FER: variants seen among roughly 807,000 people sequenced by gnomAD.
FER encodes tyrosine-protein kinase Fer.
Under a neutral mutation model 111.0 loss-of-function variants are expected in FER, and 63 were observed. The ratio of observed to expected loss-of-function variants is 0.57; its 90% confidence interval spans 0.46 to 0.70. FER has a LOEUF of 0.70. FER is among the 30% of genes least tolerant of loss of function. The probability of loss-of-function intolerance (pLI) is 0.00; values close to 1 mark genes in which losing one functional copy is unlikely to be tolerated. For missense variants in FER, 914 were observed against 954.0 expected (o/e 0.96, Z 0.55); for synonymous variants, 327 against 313.9 (o/e 1.04, Z -0.44).
intron 13 of FER, among the ~76,000 whole-genome samples, chr5:108,986,167 T>C (rs559188523): frequency 1.3e-5 from 2 of 152,310 alleles, no homozygotes; most frequent in Admixed American, 6.5e-5. Flanking sequence ...GTGGTTTTGA[T>C]TTGCATTTCC....
intron 17 of FER, among the ~76,000 whole-genome samples, chr5:109,178,342 T>C (rs1757929829): frequency 1.3e-5 from 2 of 152,242 alleles, no homozygotes; most frequent in African/African-American, 2.4e-5. Context: ...TAGTTTTAGA[T>C]TGGCCTCTCA....
intron 10 of FER, among the ~76,000 whole-genome samples, chr5:108,932,426 G>T (rs1170209305): frequency 6.6e-6 from 1 of 152,182 alleles, no homozygotes; most frequent in African/African-American, 2.4e-5. Flanking sequence ...TATCACTGAT[G>T]GACATTTGGG....
At chr5:109,036,865 C>T (rs72790569) in intron 13 of FER, among the ~76,000 whole-genome samples, 6 of 151,630 alleles carry the variant, frequency 4.0e-5, no homozygotes, top group Non-Finnish European at 8.9e-5. Context: ...GCCTTATGCA[C>T]CCTAGTGATA....
intron 5 of FER, among the ~76,000 whole-genome samples, chr5:108,845,613 CT>C (rs1761956136): frequency 6.6e-6 from 1 of 150,828 alleles, no homozygotes; most frequent in Non-Finnish European, 1.5e-5. Flanking sequence ...TTTTCTTTTT[CT>C]TTTTCTTGCC....
Position 109,044,802 on chromosome 5 carries a change from T to A in FER, c.1829+7T>A, listed in dbSNP as rs1365926354. On this transcript the variant is annotated splice_region_variant and intron_variant, in intron 15 of 19. Transcript: ENST00000281092. ...AATTTTTACAAGAAGCCAAGTGAGT[T>A]ATTTAAAGTAATCAAAATATGTATT... The A allele has an allele frequency of 2.3e-6, 3 of 1,289,378 alleles. No homozygotes were observed. In the African/African-American group the frequency reaches 4.5e-5, roughly 19 times the overall value. 79.9% of individuals were successfully genotyped at this position (1,289,378 alleles called of 1,614,324 possible). A position where few individuals can be genotyped will look rare whatever the true frequency, so the allele number is the denominator to read the frequency against.
intron 8 of FER, among the ~76,000 whole-genome samples, chr5:108,875,974 C>T (rs1478110483): frequency 3.9e-5 from 6 of 152,126 alleles, no homozygotes; most frequent in Non-Finnish European, 1.5e-5. Context: ...AATCTAGTCT[C>T]AGGCCTTATG....
At chr5:108,969,616 T>TTTTTTTTTTTTTTTTTTTTGA (rs1561695264) in intron 13 of FER, among the ~76,000 whole-genome samples, 1 of 149,050 alleles carries the variant, frequency 6.7e-6, no homozygotes, top group African/African-American at 2.6e-5. Flanking sequence ...TTAATTTTTT[T>TTTTTTTTTTTTTTTTTTTTGA]GAACACTGTG....
chr5:109,051,939 C>G, intron 16 of FER: 1 of 1,584,776 alleles, frequency 6.3e-7, no homozygotes, highest in East Asian at 2.2e-5. Context: ...CATAGATGTA[C>G]CACTGGATCA....
At position 108,872,220 on chromosome 5, in the gene FER, T is replaced by A; in HGVS notation, c.923+8T>A. On this transcript the variant is annotated splice_region_variant and intron_variant, in intron 8 of 19. Coordinates refer to ENST00000281092, the MANE Select transcript of FER (RefSeq NM_005246.4). Reference sequence around the variant, plus strand: ...AGAAAGTTTGCAAGTAATGTAAGTATTCACAAAATATCAACAGTTTAAATA... The same window carrying A: ...AGAAAGTTTGCAAGTAATGTAAGTAATCACAAAATATCAACAGTTTAAATA... 2 of 1,597,138 alleles carry A rather than the reference T, an allele frequency of 1.3e-6. No homozygotes were observed. Among genetic ancestry groups the A allele is most frequent in the East Asian group, 4.5e-5 (2 of 44,346 alleles).
chr5:109,119,980 C>G (rs1412489018), intron 17 of FER, among the ~76,000 whole-genome samples: 1 of 151,860 alleles, frequency 6.6e-6, no homozygotes, highest in Non-Finnish European at 1.5e-5. Context: ...TTAGATTTTT[C>G]TTTCCTATAG....
intron 13 of FER, among the ~76,000 whole-genome samples, chr5:108,993,019 A>G (rs1763456671): frequency 7.6e-6 from 1 of 132,438 alleles, no homozygotes; most frequent in African/African-American, 2.9e-5. Flanking sequence ...CCTAGATGGG[A>G]TGGCGGCCGG....
At chr5:109,083,040 G>T (rs1260299812) in intron 16 of FER, among the ~76,000 whole-genome samples, 1 of 151,990 alleles carries the variant, frequency 6.6e-6, no homozygotes, top group African/African-American at 2.4e-5. Flanking sequence ...GAAAAGATAG[G>T]TGTTAAATCT....
intron 17 of FER, among the ~76,000 whole-genome samples, chr5:109,153,946 A>G (rs556048538): frequency 2.0e-5 from 3 of 152,050 alleles, no homozygotes; most frequent in South Asian, 4.1e-4. Context: ...AAACACAGAA[A>G]GAATCAAGTG....
At chr5:108,844,155 CA>C (rs755920558) in intron 5 of FER, among the ~76,000 whole-genome samples, 96 of 147,560 alleles carry the variant, frequency 6.5e-4, no homozygotes, top group Non-Finnish European at 8.1e-4. Context: ...TGTGTGTGAA[CA>C]TATATATGTG....
chr5:108,869,429 A>G (rs752138674), intron 6 of FER, among the ~76,000 whole-genome samples: 1 of 152,092 alleles, frequency 6.6e-6, no homozygotes, highest in African/African-American at 2.4e-5. Context: ...CCAGAATCTC[A>G]GAATGTGAAC....
At chr5:108,784,018 G>C (rs1310588823) in intron 2 of FER, 2 of 152,678 alleles carry the variant, frequency 1.3e-5, no homozygotes, top group Non-Finnish European at 2.9e-5. Context: ...GTTCTTGACT[G>C]GTTCCTGACT....
At chr5:108,861,868 A>G (rs1018776193) in intron 5 of FER, among the ~76,000 whole-genome samples, 1 of 152,206 alleles carries the variant, frequency 6.6e-6, no homozygotes, top group Admixed American at 6.5e-5. Context: ...ATAGCACCCT[A>G]AACATTTATT....
chr5:108,791,753 G>A (rs1277302851), intron 2 of FER, among the ~76,000 whole-genome samples: 1 of 152,046 alleles, frequency 6.6e-6, no homozygotes, highest in Admixed American at 6.6e-5. Context: ...AGAAACCATT[G>A]CCTAAGCCAA....
intron 9 of FER, among the ~76,000 whole-genome samples, chr5:108,884,520 TTTG>T (rs1746777493): frequency 2.0e-5 from 3 of 151,322 alleles, no homozygotes; most frequent in African/African-American, 4.9e-5. Flanking sequence ...TGGTTTTTTT[TTTG>T]TTTGTTTGTT....
Sources: allele counts gnomAD v4.1 joint callset (sites outside exome capture counted in the v4.1 genomes callset), GRCh38; gene constraint gnomAD v4.1.1; transcripts MANE v1.5; gene names NCBI Gene and HGNC (gene_info 2026-07-23, HGNC 2026-07-21).